GPC3: variants seen among roughly 807,000 people sequenced by gnomAD.
GPC3 encodes the protein glypican 3.
GPC3 carries 3 observed loss-of-function variants against 34.4 expected under a neutral mutation model. That is an observed-to-expected ratio of 0.09 (90% CI 0.04 to 0.23). The LOEUF is 0.23. GPC3 is among the 10% of genes least tolerant of loss of function. The pLI, the probability that GPC3 is intolerant of heterozygous loss-of-function variation, is 1.00. For missense variants in GPC3, 351 were observed against 445.6 expected, an observed-to-expected ratio of 0.79 and a Z score of 1.91; for synonymous variants, 177 against 174.0, an observed-to-expected ratio of 1.02 and a Z score of -0.13.
intron 2 of GPC3, among the ~76,000 whole-genome samples, chrX:133,792,855 G>T (rs952625135): frequency 2.7e-5 from 3 of 111,425 alleles, no homozygotes; most frequent in African/African-American, 9.8e-5. Flanking sequence ...TCTTGCCAGA[G>T]CCAAGACGGA....
chrX:133,795,943 CTTTTTTT>C (rs753300332), intron 2 of GPC3, among the ~76,000 whole-genome samples: 7 of 84,937 alleles, frequency 8.2e-5, no homozygotes, highest in Non-Finnish European at 1.4e-4. Context: ...TTTCTTTTTC[CTTTTTTT>C]TTTTTTTTTT....
intron 3 of GPC3, among the ~76,000 whole-genome samples, chrX:133,726,530 C>A (rs2071408952): frequency 9.0e-6 from 1 of 111,063 alleles, no homozygotes; most frequent in East Asian, 2.8e-4. Flanking sequence ...TTTTTGCTGT[C>A]CCCTAATTAT....
At chrX:133,956,740 C>A (rs774356979) in intron 1 of GPC3, among the ~76,000 whole-genome samples, 10 of 111,569 alleles carry the variant, frequency 9.0e-5, no homozygotes, top group Admixed American at 7.6e-4. Context: ...TAGTACTGGT[C>A]CTATTCCCAC....
chrX:133,779,997 C>T (rs1448204073), intron 2 of GPC3, among the ~76,000 whole-genome samples: 2 of 111,622 alleles, frequency 1.8e-5, no homozygotes, highest in Non-Finnish European at 3.8e-5. Flanking sequence ...CACATGGCAC[C>T]TTTCTATAAA....
chrX:133,928,432 C>T, intron 2 of GPC3, among the ~76,000 whole-genome samples: 1 of 111,553 alleles, frequency 9.0e-6, no homozygotes, highest in East Asian at 2.8e-4. Flanking sequence ...GGGGTATATA[C>T]GTGCTAAAAA....
At chrX:133,598,404 C>G (rs1352771379) in intron 6 of GPC3, among the ~76,000 whole-genome samples, 1 of 109,972 alleles carries the variant, frequency 9.1e-6, no homozygotes, top group African/African-American at 3.3e-5. Flanking sequence ...GAATGACAAA[C>G]ATATTTTCCC....
chrX:133,586,492 T>C (rs1193800810), intron 7 of GPC3, among the ~76,000 whole-genome samples: 2 of 111,826 alleles, frequency 1.8e-5, no homozygotes, highest in African/African-American at 6.5e-5. Flanking sequence ...TGAAAGCAGA[T>C]TGCTTGTAGC....
chrX:133,731,701 C>T (rs1299978458), intron 3 of GPC3, among the ~76,000 whole-genome samples: 1 of 112,345 alleles, frequency 8.9e-6, no homozygotes, highest in African/African-American at 3.2e-5. Context: ...ATTTCTAACC[C>T]TCACTTTTCT....
chrX:133,949,427 C>T (rs1162894341), intron 2 of GPC3, among the ~76,000 whole-genome samples: 1 of 111,096 alleles, frequency 9.0e-6, no homozygotes, highest in Non-Finnish European at 1.9e-5. Flanking sequence ...TCAAGTGTGC[C>T]AAGACTACGC....
chrX:133,625,201 C>G (rs2070285777), intron 6 of GPC3, among the ~76,000 whole-genome samples: 1 of 111,568 alleles, frequency 9.0e-6, no homozygotes, highest in Non-Finnish European at 1.9e-5. Context: ...AAACCCACAG[C>G]CAATATCATA....
intron 2 of GPC3, among the ~76,000 whole-genome samples, chrX:133,909,126 T>C (rs1285537908): frequency 8.9e-6 from 1 of 112,452 alleles, no homozygotes; most frequent in African/African-American, 3.2e-5. Context: ...GCCCTCTATA[T>C]AGTAAGTGTC....
At chrX:133,889,494 T>TA (rs1489108958) in intron 2 of GPC3, among the ~76,000 whole-genome samples, 3 of 112,142 alleles carry the variant, frequency 2.7e-5, no homozygotes, top group African/African-American at 9.7e-5. Flanking sequence ...TATTTCGAGT[T>TA]AAAACATAAC....
At position 133,765,415 on chromosome X, in the gene GPC3, G is replaced by C. The variant is rs2071835788; in HGVS notation, c.338-11239C>G. ...GCTTTTGAGTAAGTATTGAATGAAA[G>C]ATTCTGCACCTTAAAAAAGGAATAG... On this transcript the variant is annotated intron_variant, in intron 2 of 7. Transcript: ENST00000370818. Among the ~76,000 whole-genome samples the C allele has an allele frequency of 3.6e-5, 4 of 111,991 alleles. No homozygotes were observed. The Admixed American group carries it at 3.8e-4, about 11-fold the overall frequency.
intron 3 of GPC3, among the ~76,000 whole-genome samples, chrX:133,701,376 T>C (rs1288823781): frequency 1.8e-5 from 2 of 111,867 alleles, no homozygotes; most frequent in African/African-American, 3.2e-5. Flanking sequence ...AGAAAAACAG[T>C]GGACTCACTT....
chrX:133,797,602 G>T (rs1264285712), intron 2 of GPC3, among the ~76,000 whole-genome samples: 1 of 111,295 alleles, frequency 9.0e-6, no homozygotes, highest in Non-Finnish European at 1.9e-5. Context: ...GCCAAGGCAG[G>T]CGGATCACTT....
chrX:133,730,450 T>C (rs763595102), intron 3 of GPC3, among the ~76,000 whole-genome samples: 1 of 112,140 alleles, frequency 8.9e-6, no homozygotes, highest in African/African-American at 3.2e-5. Flanking sequence ...ACTATTTCTA[T>C]AGTGAGCCGT....
chrX:133,824,911 C>T lies in GPC3; in HGVS notation c.338-70735G>A, dbSNP rs763863014. The stretch of plus-strand genomic sequence containing the variant: ...TCGCCCGGGCTGGAGTGCAGTGGCG[C>T]GATCTCAGCTCACTGCAACCTGCAA... On this transcript the variant is annotated intron_variant, in intron 2 of 7. Coordinates refer to ENST00000370818, the MANE Select transcript of GPC3 (RefSeq NM_004484.4). 7.1e-5 allele frequency among the ~76,000 whole-genome samples: 8 copies of T among 112,305 alleles called. No homozygotes were observed. In the East Asian group the frequency reaches 1.1e-3, roughly 16 times the overall value.
chrX:133,647,849 G>A (rs1475406772), intron 6 of GPC3, among the ~76,000 whole-genome samples: 1 of 111,978 alleles, frequency 8.9e-6, no homozygotes, highest in Non-Finnish European at 1.9e-5. Flanking sequence ...TTGGAATTCT[G>A]ACTAAAAAAA....
At chrX:133,788,742 T>C in intron 2 of GPC3, among the ~76,000 whole-genome samples, 1 of 79,792 alleles carries the variant, frequency 1.3e-5, no homozygotes. Context: ...TCCTATGCCC[T>C]CCTCCTCCTC....
Sources: allele counts gnomAD v4.1 joint callset (sites outside exome capture counted in the v4.1 genomes callset), GRCh38; gene constraint gnomAD v4.1.1; transcripts MANE v1.5; gene names NCBI Gene and HGNC (gene_info 2026-07-23, HGNC 2026-07-21).